The following PCDHA2 variants were observed in gnomAD, a reference collection of about 807,000 sequenced individuals.
The protein encoded by PCDHA2 is protocadherin alpha 2, also known as protocadherin alpha-2.
A neutral mutation model predicts 66.0 loss-of-function variants in PCDHA2; 58 were observed. The observed-to-expected ratio is 0.88, with a 90% CI of 0.71 to 1.09. The LOEUF (loss-of-function observed/expected upper bound fraction) is 1.09. PCDHA2 is among the 50% of genes least tolerant of loss of function. The pLI is 0.00. For synonymous variants in PCDHA2, 634 were observed against 554.0 expected, an observed-to-expected ratio of 1.14 and a Z score of -2.03; for missense variants, 1,267 against 1,242.3, an observed-to-expected ratio of 1.02 and a Z score of -0.30.
At chr5:140,822,968 C>T (rs2150120818) in intron 1 of PCDHA2, 1 of 1,614,232 alleles carries the variant, frequency 6.2e-7, no homozygotes, top group East Asian at 2.2e-5. Context: ...AAGCTGGTGT[C>T]CACCTTCAAG....
At chr5:140,983,739 G>A (rs983923811) in intron 3 of PCDHA2, among the ~76,000 whole-genome samples, 1 of 152,194 alleles carries the variant, frequency 6.6e-6, no homozygotes, top group African/African-American at 2.4e-5. Context: ...TGGCTGGCTT[G>A]CAATAATCCA....
chr5:140,823,666 A>G (rs2150128103), intron 1 of PCDHA2: 50 of 1,614,028 alleles, frequency 3.1e-5, no homozygotes, highest in Admixed American at 5.0e-5. Context: ...AGGCGAGATC[A>G]GCACAACACG....
At chr5:140,849,516 G>A in intron 1 of PCDHA2, 2 of 1,597,278 alleles carry the variant, frequency 1.3e-6, no homozygotes, top group East Asian at 2.2e-5. Flanking sequence ...TGTGGAAGTT[G>A]TGGATGTAAA....
At chr5:140,976,688 G>T (rs1343503965) in intron 1 of PCDHA2, among the ~76,000 whole-genome samples, 2 of 152,118 alleles carry the variant, frequency 1.3e-5, no homozygotes, top group East Asian at 3.8e-4. Context: ...TGCAATTTAA[G>T]TACAATAATG....
At chr5:140,871,314 G>C (rs199741530) in intron 1 of PCDHA2, 3 of 1,614,048 alleles carry the variant, frequency 1.9e-6, no homozygotes, top group Admixed American at 3.3e-5. Flanking sequence ...GGAAGCCCAC[G>C]CTGGTGTGCT....
intron 1 of PCDHA2, among the ~76,000 whole-genome samples, chr5:140,919,151 G>A (rs1246862771): frequency 2.6e-5 from 4 of 152,122 alleles, no homozygotes; most frequent in African/African-American, 9.7e-5. Flanking sequence ...ATTATTAGAT[G>A]CAAGTATGTT....
rs148820707 is a variant in PCDHA2, at chr5:140,954,545, G to A, written c.2389-24404G>A. ...AGTGATGTTGAGGTTTTTTTCATAT[G>A]TTTGTTGGCTGCATGACTGTCTTCT... On this transcript the variant is annotated intron_variant, in intron 1 of 3. Coordinates refer to ENST00000526136, the MANE Select transcript of PCDHA2 (RefSeq NM_018905.3). 4.6e-3 allele frequency among the ~76,000 whole-genome samples: 702 copies of A among 152,204 alleles called. 2 individuals are homozygous for A. The highest frequency in any genetic ancestry group is 0.016 in the African/African-American group (679 of 41,554).
At chr5:141,009,345 G>C (rs1409011729) in intron 3 of PCDHA2, among the ~76,000 whole-genome samples, 1 of 152,164 alleles carries the variant, frequency 6.6e-6, no homozygotes, top group African/African-American at 2.4e-5. Context: ...TGTAGTTCCA[G>C]CTACTTGGGA....
At chr5:140,823,788 T>C (rs1402074192) in intron 1 of PCDHA2, 8 of 1,613,644 alleles carry the variant, frequency 5.0e-6, no homozygotes, top group Middle Eastern at 3.3e-4. Context: ...TGGTGGAAAG[T>C]GGCCAGGCGC....
intron 1 of PCDHA2, chr5:140,828,964 C>A: frequency 6.2e-7 from 1 of 1,614,150 alleles, no homozygotes. Flanking sequence ...TGGTTATTGA[C>A]CACTTTAGCA....
chr5:140,808,135 T>A (rs1202926318), intron 1 of PCDHA2: 4 of 1,613,910 alleles, frequency 2.5e-6, no homozygotes, highest in Non-Finnish European at 3.4e-6. Context: ...GCAAATCCTA[T>A]GAAATTATTG....
intron 1 of PCDHA2, chr5:140,865,093 G>T (rs535527730): frequency 6.6e-6 from 1 of 152,216 alleles, no homozygotes; most frequent in African/African-American, 2.4e-5. Flanking sequence ...TATTAATAAA[G>T]GCACTTCCAC....
At chr5:140,934,029 T>A (rs1267400545) in intron 1 of PCDHA2, among the ~76,000 whole-genome samples, 1 of 152,114 alleles carries the variant, frequency 6.6e-6, no homozygotes, top group Admixed American at 6.5e-5. Flanking sequence ...GGAAGTAGTT[T>A]ATTAATGATA....
chr5:140,801,305 T>C, intron 1 of PCDHA2: 1 of 1,613,446 alleles, frequency 6.2e-7, no homozygotes, highest in South Asian at 1.1e-5. Flanking sequence ...ACTCCGTCTC[T>C]GAGGAGGCCA....
At chr5:140,857,595 T>C in intron 1 of PCDHA2, 2 of 1,595,942 alleles carry the variant, frequency 1.3e-6, no homozygotes, top group Non-Finnish European at 1.7e-6. Context: ...AGCGGCAAGG[T>C]GTACGCGCTG....
At chr5:140,976,203 A>T (rs1301475935) in intron 1 of PCDHA2, among the ~76,000 whole-genome samples, 1 of 152,220 alleles carries the variant, frequency 6.6e-6, no homozygotes, top group East Asian at 1.9e-4. Flanking sequence ...GAAACTCAGA[A>T]GTAAAAAAGA....
At chr5:140,883,940 G>A in intron 1 of PCDHA2, 1 of 1,613,412 alleles carries the variant, frequency 6.2e-7, no homozygotes, top group Non-Finnish European at 8.5e-7. Flanking sequence ...CGTGCTGGAC[G>A]AGAACGACAA....
At chr5:140,836,011 C>T (rs2150250556) in intron 1 of PCDHA2, 2 of 1,613,394 alleles carry the variant, frequency 1.2e-6, no homozygotes, top group East Asian at 2.2e-5. Flanking sequence ...GCGGGCGTGC[C>T]GCCTCTGGGC....
intron 1 of PCDHA2, among the ~76,000 whole-genome samples, chr5:140,838,347 A>G (rs2150288220): frequency 2.7e-5 from 4 of 150,406 alleles, no homozygotes; most frequent in Non-Finnish European, 4.4e-5. Context: ...TGGTCTCGAA[A>G]TCTGGGACTC....
Sources: gnomAD v4.1 joint callset for allele counts (sites outside exome capture counted in the v4.1 genomes callset) on GRCh38, gnomAD v4.1.1 for gene constraint, MANE v1.5 for transcripts, NCBI Gene and HGNC (gene_info 2026-07-23, HGNC 2026-07-21) for gene names.